The following RALYL variants were observed in gnomAD, a reference collection of about 807,000 sequenced individuals.
RALYL encodes the protein RNA-binding Raly-like protein.
Under a neutral mutation model 35.1 loss-of-function variants are expected in RALYL, and 29 were observed. The ratio of observed to expected loss-of-function variants is 0.83; its 90% CI spans 0.61 to 1.13. RALYL has a LOEUF of 1.13. RALYL is among the 50% of genes most tolerant of loss of function. RALYL has a pLI of 0.00. For missense variants in RALYL, 359 were observed against 360.4 expected (o/e 1.00, Z 0.03); for synonymous variants, 120 against 127.6 (o/e 0.94, Z 0.40).
chr8:84,891,024 A>G (rs951438077), intron 8 of RALYL, among the ~76,000 whole-genome samples: 2 of 152,102 alleles, frequency 1.3e-5, no homozygotes, highest in South Asian at 2.1e-4. Flanking sequence ...ATAAAAGAAA[A>G]ACAAAGTCTG....
intron 1 of RALYL, among the ~76,000 whole-genome samples, chr8:84,482,477 C>T (rs2054151525): frequency 6.6e-6 from 1 of 151,626 alleles, no homozygotes; most frequent in Non-Finnish European, 1.5e-5. Flanking sequence ...TTTATTTGTC[C>T]TTGTTTGCAA....
chr8:84,809,216 T>TCTATTGAGG (rs1825352384), intron 4 of RALYL, among the ~76,000 whole-genome samples: 1 of 152,156 alleles, frequency 6.6e-6, no homozygotes, highest in Non-Finnish European at 1.5e-5. Context: ...TGTCAGATGC[T>TCTATTGAGG]TTTTCTGCAT....
intron 2 of RALYL, among the ~76,000 whole-genome samples, chr8:84,746,358 G>A (rs754842312): frequency 6.6e-6 from 1 of 152,038 alleles, no homozygotes; most frequent in Non-Finnish European, 1.5e-5. Context: ...TGAAATTTTA[G>A]TAATGTTTAA....
At chr8:84,677,776 C>T (rs574097227) in intron 2 of RALYL, among the ~76,000 whole-genome samples, 7 of 152,312 alleles carry the variant, frequency 4.6e-5, no homozygotes, top group Non-Finnish European at 7.4e-5. Flanking sequence ...CCAGCTCCCA[C>T]GTGAAATGAC....
intron 1 of RALYL, among the ~76,000 whole-genome samples, chr8:84,194,350 T>G (rs1252428570): frequency 6.6e-6 from 1 of 152,154 alleles, no homozygotes. Flanking sequence ...AAACAGATTT[T>G]TTTTTTTCAT....
intron 1 of RALYL, among the ~76,000 whole-genome samples, chr8:84,474,516 G>A (rs2053162590): frequency 6.6e-6 from 1 of 152,140 alleles, no homozygotes; most frequent in South Asian, 2.1e-4. Context: ...TAGTACTAGA[G>A]TATATTTCCT....
chr8:84,739,381 C>A (rs1281254245), intron 2 of RALYL, among the ~76,000 whole-genome samples: 1 of 151,356 alleles, frequency 6.6e-6, no homozygotes, highest in African/African-American at 2.4e-5. Context: ...AAATTAATGT[C>A]AAATAGAAAC....
At chr8:84,297,033 C>T (rs1839884988) in intron 1 of RALYL, among the ~76,000 whole-genome samples, 1 of 150,544 alleles carries the variant, frequency 6.6e-6, no homozygotes, top group Admixed American at 6.6e-5. Context: ...AGAATTAAGA[C>T]AGTACAGGCA....
intron 1 of RALYL, among the ~76,000 whole-genome samples, chr8:84,258,947 A>G (rs1831711390): frequency 6.6e-6 from 1 of 152,094 alleles, no homozygotes; most frequent in Non-Finnish European, 1.5e-5. Flanking sequence ...TTTAGGACTT[A>G]CCATATTGAA....
chr8:84,569,521 T>C (rs1807395611), intron 2 of RALYL, among the ~76,000 whole-genome samples: 1 of 151,996 alleles, frequency 6.6e-6, no homozygotes, highest in African/African-American at 2.4e-5. Flanking sequence ...AAATATTTTC[T>C]CTCATTCTGT....
chr8:84,873,912 A>G (rs1395595965), intron 7 of RALYL, among the ~76,000 whole-genome samples: 1 of 152,280 alleles, frequency 6.6e-6, no homozygotes, highest in East Asian at 1.9e-4. Context: ...AAGTTATTTG[A>G]TCATATATTT....
intron 8 of RALYL, among the ~76,000 whole-genome samples, chr8:84,907,469 T>A (rs1453934368): frequency 6.6e-6 from 1 of 152,102 alleles, no homozygotes; most frequent in Non-Finnish European, 1.5e-5. Flanking sequence ...TATATATGTC[T>A]TGTCATTACT....
chr8:84,694,042 C>T (rs1838632980), intron 2 of RALYL, among the ~76,000 whole-genome samples: 1 of 151,782 alleles, frequency 6.6e-6, no homozygotes, highest in South Asian at 2.1e-4. Flanking sequence ...GAAAGTTCTT[C>T]TATGATTAGG....
rs144248725 is a variant in RALYL, at chr8:84,336,894, A to T, written c.-24+152470A>T. ...CTGCACATTTAGTTGAGCCTAGGAG[A>T]GCAGGGCCCTCCATAGACACTAGTT... On this transcript the variant is annotated intron_variant, in intron 1 of 8. Transcript: ENST00000521268. Among the ~76,000 whole-genome samples, 417 of 151,888 alleles carry T rather than the reference A, an allele frequency of 2.7e-3. 1 individual carries two copies. Among genetic ancestry groups the T allele is most frequent in the African/African-American group, 9.4e-3 (391 of 41,432 alleles).
At chr8:84,248,619 G>T (rs949782699) in intron 1 of RALYL, among the ~76,000 whole-genome samples, 1 of 152,002 alleles carries the variant, frequency 6.6e-6, no homozygotes, top group African/African-American at 2.4e-5. Flanking sequence ...TACATTGTGA[G>T]GCTGTAGATG....
intron 2 of RALYL, among the ~76,000 whole-genome samples, chr8:84,651,217 A>G (rs1198642652): frequency 6.6e-6 from 1 of 151,934 alleles, no homozygotes; most frequent in Non-Finnish European, 1.5e-5. Context: ...AACTTAAAGT[A>G]TAATAATAAT....
At chr8:84,588,516 C>G (rs1235235253) in intron 2 of RALYL, among the ~76,000 whole-genome samples, 1 of 152,166 alleles carries the variant, frequency 6.6e-6, no homozygotes, top group African/African-American at 2.4e-5. Context: ...CTGAAGACAT[C>G]ACAAATGTGA....
chr8:84,701,382 G>A (rs746458965), intron 2 of RALYL, among the ~76,000 whole-genome samples: 2 of 152,062 alleles, frequency 1.3e-5, no homozygotes, highest in African/African-American at 2.4e-5. Context: ...GAACTTTGCT[G>A]CATCTTTTCG....
At chr8:84,627,917 G>A (rs756959569) in intron 2 of RALYL, among the ~76,000 whole-genome samples, 1 of 151,794 alleles carries the variant, frequency 6.6e-6, no homozygotes, top group African/African-American at 2.4e-5. Context: ...TATTTCCATT[G>A]TCAAAAGTTG....
Sources: allele counts gnomAD v4.1 joint callset (sites outside exome capture counted in the v4.1 genomes callset), GRCh38; gene constraint gnomAD v4.1.1; transcripts MANE v1.5; gene names NCBI Gene and HGNC (gene_info 2026-07-23, HGNC 2026-07-21).